The following HDAC5 variants were observed in gnomAD, a reference collection of about 807,000 sequenced individuals.
The protein encoded by HDAC5 is antigen NY-CO-9.
HDAC5 carries 25 observed loss-of-function variants against 133.3 expected under a neutral mutation model. That is an observed-to-expected ratio of 0.19 (90% CI 0.14 to 0.26). The LOEUF (loss-of-function observed/expected upper bound fraction) is 0.26. Among genes scored for constraint, HDAC5 ranks in the 10% least tolerant of loss-of-function variants. The pLI is 1.00. For synonymous variants in HDAC5, 589 were observed against 610.8 expected, an observed-to-expected ratio of 0.96 and a Z score of 0.53; for missense variants, 1,041 against 1,460.5, an observed-to-expected ratio of 0.71 and a Z score of 4.68.
chr17:44,106,603 T>C (rs1327922956), intron 3 of HDAC5, among the ~76,000 whole-genome samples: 1 of 152,124 alleles, frequency 6.6e-6, no homozygotes, highest in Non-Finnish European at 1.5e-5. Context: ...CTTTTTTTTT[T>C]TTTTGAGGCA....
chr17:44,079,532 T>C lies in HDAC5; in HGVS notation c.2945-255A>G, dbSNP rs529537039. ...GCACGCGCCTGTAATCCCAGCTACT[T>C]GGGAGGCTGAGGCAGGAGGATGGCA... On this transcript the variant is annotated intron_variant, in intron 23 of 26. Transcript: ENST00000682912. 2.1e-5 allele frequency among the ~76,000 whole-genome samples: 3 copies of C among 143,094 alleles called. No homozygotes were observed. The South Asian group carries it at 6.7e-4, about 32-fold the overall frequency. 93.9% of individuals were successfully genotyped at this position (143,094 alleles called of 152,430 possible).
intron 11 of HDAC5, among the ~76,000 whole-genome samples, 189 bp from the exon 12 acceptor site, chr17:44,088,787 A>G (rs572933523): frequency 1.3e-5 from 2 of 152,268 alleles, no homozygotes; most frequent in African/African-American, 4.8e-5. Context: ...CCATGAATGA[A>G]GAGTTTCACA....
In HDAC5 at chr17:44,086,747, A is replaced by C. The variant is rs1182064390; in HGVS notation, c.1885-10T>G. On this transcript the variant is annotated splice_polypyrimidine_tract_variant and intron_variant, in intron 13 of 26. Transcript: ENST00000682912. ...GGGCATCTGAGAACAGCTGGAGGGG[A>C]GAATGGGAGGGGGCCTGGGTCAGAC... 13 of 1,290,480 alleles carry C rather than the reference A, an allele frequency of 1.0e-5. 1 individual carries two copies. In the South Asian group the frequency reaches 4.6e-4, roughly 46 times the overall value. 79.9% of individuals were successfully genotyped at this position (1,290,480 alleles called of 1,614,324 possible).
intron 3 of HDAC5, among the ~76,000 whole-genome samples, chr17:44,109,863 C>G (rs1057355534): frequency 6.6e-6 from 1 of 152,268 alleles, no homozygotes; most frequent in African/African-American, 2.4e-5. Context: ...TCCAGCAGGC[C>G]CCTCCCTGGA....
In HDAC5 at chr17:44,093,376, A is replaced by AGCTCTTCCTGCCGCTGCT; in HGVS notation, c.446_463dup (p.Gln149_Glu154dup). 1 of 1,584,272 alleles carries AGCTCTTCCTGCCGCTGCT rather than the reference A, an allele frequency of 6.3e-7. No individual in the cohort carries two copies. Among genetic ancestry groups the AGCTCTTCCTGCCGCTGCT allele is most frequent in the South Asian group, 1.1e-5 (1 of 89,228 alleles). On this transcript the variant is annotated inframe_insertion, in exon 5 of 27. Transcript: ENST00000682912. ...CTGCTGCTCCAGCCGCTGCTTCTCCAGCTCTTCCTGCCGCTGCTGCTCCCG... is the reference window on the plus strand; with the variant it reads ...CTGCTGCTCCAGCCGCTGCTTCTCCAGCTCTTCCTGCCGCTGCTGCTCTTCCTGCCGCTGCTGCTCCCG...
chr17:44,101,881 G>T (rs945416654), intron 3 of HDAC5, among the ~76,000 whole-genome samples: 8 of 152,048 alleles, frequency 5.3e-5, no homozygotes, highest in African/African-American at 1.9e-4. Context: ...GAGGAGATGA[G>T]GTAGGGGGAG....
chr17:44,080,267 G>GC, intron 22 of HDAC5, 42 bp from the exon 23 acceptor site: 1 of 1,572,186 alleles, frequency 6.4e-7, no homozygotes, highest in Non-Finnish European at 8.8e-7. Flanking sequence ...AGATGACCAG[G>GC]CCAGGCCTCG....
Position 44,089,747 on chromosome 17 carries a change from CAAAA to C in HDAC5, c.1388-1153_1388-1150del, listed in dbSNP as rs869263828. The stretch of plus-strand genomic sequence containing the variant: ...GGGCAACAAGAGTGAAACTTCGTCT[CAAAA>C]AAAAAAAAAAAAAAAAAAAAAAATT... On this transcript the variant is annotated intron_variant, in intron 11 of 26. Coordinates refer to ENST00000682912, the MANE Select transcript of HDAC5 (RefSeq NM_005474.5). 2.1e-4 allele frequency among the ~76,000 whole-genome samples: 7 copies of C among 34,054 alleles called. No individual in the cohort carries two copies. The Admixed American group carries it at 2.4e-3, about 11-fold the overall frequency. The allele number at this position is 34,054 out of a possible 152,430, so 22.3% of individuals were successfully genotyped here. A position where few individuals can be genotyped will look rare whatever the true frequency, so the allele number is the denominator to read the frequency against.
intron 3 of HDAC5, among the ~76,000 whole-genome samples, 173 bp from the exon 4 acceptor site, chr17:44,094,007 G>A (rs1482059894): frequency 6.6e-6 from 1 of 152,200 alleles, no homozygotes; most frequent in Non-Finnish European, 1.5e-5. Context: ...ATTAAATGAG[G>A]CTGAAGCCAT....
rs188378676 is a variant in HDAC5, at chr17:44,091,462, C to G, written c.1195G>C (p.Ala399Pro). ...ASPKLSTQQE[A>P]ERQALQSLRQ... is the part of the protein sequence containing the mutation. The stretch of plus-strand genomic sequence containing the variant: ...AGGGACTGGAGGGCCTGCCTCTCGG[C>G]CTCCTGCTGTGTCGACAGCTTCGGG... The change falls in exon 11 of 27, where the codon GCC (alanine) becomes CCC (proline). Residue 399 changes from alanine (A) to proline (P), a missense_variant. This residue lies in a region of HDAC5 where 433 missense variants were observed against 531.6 expected (regional missense o/e 0.81). Coordinates refer to ENST00000682912, the MANE Select transcript of HDAC5 (RefSeq NM_005474.5). 6.5e-7 allele frequency: 1 copy of G among 1,544,758 alleles called. No homozygotes were observed. The highest frequency in any genetic ancestry group is 8.7e-7 in the Non-Finnish European group (1 of 1,147,438).
intron 2 of HDAC5, chr17:44,111,652 T>C (rs750425668): frequency 7.7e-6 from 4 of 517,762 alleles, no homozygotes; most frequent in East Asian, 1.1e-4. Context: ...GGAGTTCTAA[T>C]AGCCCCATGG....
chr17:44,120,568 C>T (rs1410541815), intron 1 of HDAC5: 1 of 152,170 alleles, frequency 6.6e-6, no homozygotes, highest in Non-Finnish European at 1.5e-5. Context: ...TGGAGAAACC[C>T]TTTCTCTACT....
Position 44,094,730 on chromosome 17 carries a change from A to G in HDAC5, c.95-896T>C, listed in dbSNP as rs759896651. Among the ~76,000 whole-genome samples the G allele has an allele frequency of 1.6e-3, 228 of 140,916 alleles. 2 individuals carry two copies. The highest frequency in any genetic ancestry group is 2.6e-3 in the Non-Finnish European group (164 of 64,168). 92.4% of individuals were successfully genotyped at this position (140,916 alleles called of 152,430 possible). On this transcript the variant is annotated intron_variant, in intron 3 of 26. Transcript: ENST00000682912. ...TATGTATCTGTGTGTGTGTGTGTAT[A>G]TATATGTGTGTACGTATGTGTGTGT...
At chr17:44,122,989 C>A (rs2053104248) in intron 1 of HDAC5, among the ~76,000 whole-genome samples, 1 of 152,184 alleles carries the variant, frequency 6.6e-6, no homozygotes, top group Admixed American at 6.5e-5. Flanking sequence ...CAGTCCCCCT[C>A]CTCATGCACG....
Position 44,117,413 on chromosome 17 carries a change from C to T in HDAC5, c.22+81G>A. 3 of 1,457,848 alleles carry T rather than the reference C, an allele frequency of 2.1e-6. No individual in the cohort carries two copies. The highest frequency in any genetic ancestry group is 2.9e-6 in the Non-Finnish European group (3 of 1,037,466). The allele number at this position is 1,457,848 out of a possible 1,614,324, so 90.3% of individuals were successfully genotyped here. A position where few individuals can be genotyped will look rare whatever the true frequency, so the allele number is the denominator to read the frequency against. On this transcript the variant is annotated intron_variant, in intron 2 of 26. Coordinates refer to ENST00000682912, the MANE Select transcript of HDAC5 (RefSeq NM_005474.5). This position sits in a 1 kb window ranked among gnomAD's most constrained non-coding sequence, Gnocchi z 4.2. ...TTATAGCTCAGACAGTAAAGGTCAG[C>T]TGGCCTGGAAGGGAAACCCACACAG...
chr17:44,103,409 G>C (rs2051738494), intron 3 of HDAC5, among the ~76,000 whole-genome samples: 1 of 152,210 alleles, frequency 6.6e-6, no homozygotes. Flanking sequence ...TAGTGGTTGA[G>C]AGCAAGGGCT....
chr17:44,105,830 C>A (rs1489516347), intron 3 of HDAC5, among the ~76,000 whole-genome samples: 2 of 152,208 alleles, frequency 1.3e-5, no homozygotes, highest in Non-Finnish European at 2.9e-5. Flanking sequence ...TACTGGCTGA[C>A]TGCTGGGCCC....
intron 1 of HDAC5, among the ~76,000 whole-genome samples, chr17:44,121,637 C>A (rs1198499367): frequency 6.6e-6 from 1 of 151,464 alleles, no homozygotes; most frequent in Admixed American, 6.6e-5. Context: ...ACACAAATGA[C>A]CCCCGCCCAA....
intron 3 of HDAC5, among the ~76,000 whole-genome samples, chr17:44,101,471 G>A (rs1202840313): frequency 6.6e-6 from 1 of 151,702 alleles, no homozygotes; most frequent in Non-Finnish European, 1.5e-5. Context: ...AAAGCTAGGA[G>A]GAGGGGAGGG....
Sources: allele counts gnomAD v4.1 joint callset (sites outside exome capture counted in the v4.1 genomes callset), GRCh38; gene constraint gnomAD v4.1.1; regional missense constraint gnomAD v4.1.1; non-coding constraint Gnocchi (gnomAD v3.1); transcripts MANE v1.5; gene names NCBI Gene and HGNC (gene_info 2026-07-23, HGNC 2026-07-21).